Variants in STK24 observed in about 807,000 individuals in gnomAD.
STK24 encodes the protein serine/threonine kinase 24.
A neutral mutation model predicts 55.6 loss-of-function variants in STK24; 21 were observed. The ratio of observed to expected loss-of-function variants is 0.38; its 90% confidence interval spans 0.27 to 0.54. The LOEUF is 0.54. Ranked by LOEUF, STK24 falls within the 20% of genes least tolerant of loss-of-function variation. STK24 has a pLI of 0.79. For synonymous variants in STK24, 200 were observed against 215.2 expected (o/e 0.93, Z 0.62); for missense variants, 383 against 538.4 (o/e 0.71, Z 2.86).
Position 98,451,090 on chromosome 13 carries a change from C to A in STK24, c.*2083G>T, listed in dbSNP as rs142590209. Reference sequence around the variant, plus strand: ...GAACCCAGTCCCTCGAGCGGCTCACCCACTGTTACTAGCATGAGACTGGCT... The same window carrying A: ...GAACCCAGTCCCTCGAGCGGCTCACACACTGTTACTAGCATGAGACTGGCT... On this transcript the variant is annotated 3_prime_UTR_variant, in exon 11 of 11. Coordinates refer to ENST00000539966, the MANE Select transcript of STK24 (RefSeq NM_001032296.4). 3 of 152,286 alleles carry A rather than the reference C, an allele frequency of 2.0e-5. No individual in the cohort carries two copies. The highest frequency in any genetic ancestry group is 7.2e-5 in the African/African-American group (3 of 41,562). The allele number at this position is 152,286 out of a possible 1,614,324, so 9.4% of individuals were successfully genotyped here. A position where few individuals can be genotyped will look rare whatever the true frequency, so the allele number is the denominator to read the frequency against.
intron 2 of STK24, among the ~76,000 whole-genome samples, chr13:98,514,440 C>A (rs910674098): frequency 3.3e-5 from 5 of 152,204 alleles, no homozygotes; most frequent in African/African-American, 1.2e-4. Context: ...TAACTACCCA[C>A]AATCAATCCT....
intron 1 of STK24, among the ~76,000 whole-genome samples, chr13:98,541,761 A>G (rs933895153): frequency 1.3e-5 from 2 of 152,182 alleles, no homozygotes; most frequent in Non-Finnish European, 2.9e-5. Context: ...GCCCTCATCC[A>G]TGACACTTTA....
Position 98,453,078 on chromosome 13 carries a change from C to G in STK24, c.*95G>C, listed in dbSNP as rs1020097832. ...GGTGGCTCCCAGTGGCGCACCTCTT[C>G]GGTGGAGTCAGCGAAGGCTCTCGTT... On this transcript the variant is annotated 3_prime_UTR_variant, in exon 11 of 11. Coordinates refer to ENST00000539966, the MANE Select transcript of STK24 (RefSeq NM_001032296.4). 3 of 1,456,172 alleles carry G rather than the reference C, an allele frequency of 2.1e-6. No individual in the cohort carries two copies. Among genetic ancestry groups the G allele is most frequent in the Non-Finnish European group, 2.9e-6 (3 of 1,052,024 alleles). The allele number at this position is 1,456,172 out of a possible 1,614,324, so 90.2% of individuals were successfully genotyped here. A position where few individuals can be genotyped will look rare whatever the true frequency, so the allele number is the denominator to read the frequency against.
chr13:98,494,322 G>A (rs1490331016), intron 2 of STK24, among the ~76,000 whole-genome samples: 2 of 146,960 alleles, frequency 1.4e-5, no homozygotes, highest in South Asian at 2.2e-4. Flanking sequence ...AGTGAGGCAG[G>A]AGAATGGCGT....
At chr13:98,483,040 C>CAT in intron 2 of STK24, among the ~76,000 whole-genome samples, 1 of 152,378 alleles carries the variant, frequency 6.6e-6, no homozygotes, top group East Asian at 1.9e-4. Flanking sequence ...ACTCAGCCCT[C>CAT]ATGACTTGCA....
intron 1 of STK24, among the ~76,000 whole-genome samples, chr13:98,552,984 C>T (rs773144435): frequency 3.3e-5 from 5 of 152,026 alleles, no homozygotes; most frequent in African/African-American, 4.8e-5. Flanking sequence ...AACATGTCAA[C>T]GCAGGCTCAT....
intron 1 of STK24, among the ~76,000 whole-genome samples, chr13:98,559,600 A>G (rs1352413098): frequency 6.6e-6 from 1 of 152,162 alleles, no homozygotes; most frequent in Non-Finnish European, 1.5e-5. Flanking sequence ...AAATGGCCAC[A>G]AAGTCTACAC....
At chr13:98,460,333 C>A in intron 9 of STK24, 39 bp downstream of exon 9, 1 of 1,567,670 alleles carries the variant, frequency 6.4e-7, no homozygotes. Context: ...TCTCCTTCCC[C>A]CTCCCCTCCC....
At chr13:98,575,539 T>G (rs150950496) in intron 1 of STK24, among the ~76,000 whole-genome samples, 3 of 152,230 alleles carry the variant, frequency 2.0e-5, no homozygotes, top group African/African-American at 7.2e-5. Context: ...AGTTTTCTTT[T>G]TACGGTTTCA....
rs11843645 is a variant in STK24, at chr13:98,472,645, T to C, written c.597+2176A>G. 3.0e-3 allele frequency among the ~76,000 whole-genome samples: 461 copies of C among 152,326 alleles called. 2 individuals are homozygous for C. Among genetic ancestry groups the C allele is most frequent in the African/African-American group, 0.01 (425 of 41,574 alleles). On this transcript the variant is annotated intron_variant, in intron 5 of 10. Coordinates refer to ENST00000539966, the MANE Select transcript of STK24 (RefSeq NM_001032296.4). ...ATGGCACCAGCTTGATTTTCTTCCT[T>C]TGAAGGCACTTAATTTTTTAATAAG...
At chr13:98,472,422 A>T (rs1184779793) in intron 5 of STK24, among the ~76,000 whole-genome samples, 2 of 152,160 alleles carry the variant, frequency 1.3e-5, no homozygotes, top group Non-Finnish European at 2.9e-5. Flanking sequence ...CTCTCGAATA[A>T]AGGTTCTCAT....
chr13:98,548,321 A>C (rs1469034715), intron 1 of STK24, among the ~76,000 whole-genome samples: 2 of 152,186 alleles, frequency 1.3e-5, no homozygotes, highest in African/African-American at 4.8e-5. Flanking sequence ...TGTTCCCATT[A>C]TGGTGTGACC....
chr13:98,546,090 C>A (rs964306155), intron 1 of STK24, among the ~76,000 whole-genome samples: 3 of 152,210 alleles, frequency 2.0e-5, no homozygotes, highest in Non-Finnish European at 4.4e-5. Flanking sequence ...ACTTCTGATA[C>A]ATGAAATTGT....
chr13:98,445,812 C>A lies in STK24; in HGVS notation c.*7361G>T. 3.3e-6 allele frequency: 1 copy of A among 302,234 alleles called. No homozygotes were observed. The highest frequency in any genetic ancestry group is 6.2e-6 in the Non-Finnish European group (1 of 160,116). 18.7% of individuals were successfully genotyped at this position (302,234 alleles called of 1,614,324 possible). ...TAGTTACCCTGCAACGAGCCTATTT[C>A]CAAATAAGCCTGTGTTCTAAGGTAC... On this transcript the variant is annotated 3_prime_UTR_variant, in exon 11 of 11. Coordinates refer to ENST00000539966, the MANE Select transcript of STK24 (RefSeq NM_001032296.4).
At chr13:98,478,293 T>G (rs1360050429) in intron 3 of STK24, among the ~76,000 whole-genome samples, 2 of 152,330 alleles carry the variant, frequency 1.3e-5, no homozygotes, top group South Asian at 2.1e-4. Context: ...TGTCCTCCCC[T>G]GCTTCGAAGC....
At chr13:98,459,577 G>C (rs75601510) in intron 9 of STK24, among the ~76,000 whole-genome samples, 4,409 of 152,312 alleles carry the variant, frequency 0.029, 195 homozygotes, top group African/African-American at 0.099. Context: ...GCAGGCACAG[G>C]GGAGGAGAAT....
At chr13:98,461,669 G>A (rs1315054086) in intron 8 of STK24, 105 bp downstream of exon 8, 2 of 1,500,920 alleles carry the variant, frequency 1.3e-6, no homozygotes, top group East Asian at 4.7e-5. Flanking sequence ...CAGGACAGCT[G>A]CCACAAAGGA....
chr13:98,522,799 A>G (rs1356544145), intron 1 of STK24, among the ~76,000 whole-genome samples: 2 of 152,222 alleles, frequency 1.3e-5, no homozygotes, highest in African/African-American at 4.8e-5. Context: ...CCCCTGAGCA[A>G]TAAGAAAACC....
chr13:98,516,807 A>G (rs1896080469), intron 2 of STK24, among the ~76,000 whole-genome samples: 1 of 152,246 alleles, frequency 6.6e-6, no homozygotes, highest in African/African-American at 2.4e-5. Context: ...TCTAACATGT[A>G]TGAGTCGTTA....
Sources: gnomAD v4.1 joint callset for allele counts (sites outside exome capture counted in the v4.1 genomes callset) on GRCh38, gnomAD v4.1.1 for gene constraint, MANE v1.5 for transcripts, NCBI Gene and HGNC (gene_info 2026-07-23, HGNC 2026-07-21) for gene names.